Variants in NAALADL2 observed in about 807,000 individuals in gnomAD.
The protein encoded by NAALADL2 is inactive N-acetylated-alpha-linked acidic dipeptidase-like protein 2.
In NAALADL2, 76 loss-of-function variants were observed where a neutral mutation model predicts 87.2. The ratio of observed to expected loss-of-function variants is 0.87; its 90% CI spans 0.72 to 1.05. The LOEUF (loss-of-function observed/expected upper bound fraction) is 1.05, where lower values mean the gene tolerates loss of function less well. Ranked by LOEUF, NAALADL2 falls within the 50% of genes least tolerant of loss-of-function variation. NAALADL2 has a pLI of 0.00. For synonymous variants in NAALADL2, 354 were observed against 331.0 expected, an observed-to-expected ratio of 1.07 and a Z score of -0.75; for missense variants, 1,089 against 945.8, an observed-to-expected ratio of 1.15 and a Z score of -1.99.
intron 1 of NAALADL2, among the ~76,000 whole-genome samples, chr3:174,442,806 G>T (rs943466155): frequency 1.3e-4 from 20 of 152,192 alleles, no homozygotes; most frequent in Non-Finnish European, 2.6e-4. Flanking sequence ...AAAAGAGTGT[G>T]TGTTTAGTAA....
At chr3:175,171,123 A>C (rs1296999875) in intron 2 of NAALADL2, among the ~76,000 whole-genome samples, 1 of 152,002 alleles carries the variant, frequency 6.6e-6, no homozygotes, top group Non-Finnish European at 1.5e-5. Context: ...CATACCTTTA[A>C]AATTTTCAAA....
At chr3:175,285,210 G>C (rs1266866088) in intron 4 of NAALADL2, among the ~76,000 whole-genome samples, 1 of 152,054 alleles carries the variant, frequency 6.6e-6, no homozygotes, top group Non-Finnish European at 1.5e-5. Context: ...AAACTTTTTA[G>C]TTACTCACTA....
At chr3:174,514,852 A>G (rs1719822188) in intron 1 of NAALADL2, among the ~76,000 whole-genome samples, 1 of 152,078 alleles carries the variant, frequency 6.6e-6, no homozygotes, top group African/African-American at 2.4e-5. Flanking sequence ...TCCCCCAAGA[A>G]TTACTTTTAT....
chr3:174,876,501 G>C (rs573847323), intron 1 of NAALADL2, among the ~76,000 whole-genome samples: 1 of 152,214 alleles, frequency 6.6e-6, no homozygotes. Context: ...AGAATTATAC[G>C]CATAGGTAGG....
At chr3:175,479,648 T>C (rs1288955365) in intron 9 of NAALADL2, among the ~76,000 whole-genome samples, 3 of 151,814 alleles carry the variant, frequency 2.0e-5, no homozygotes, top group Non-Finnish European at 4.4e-5. Flanking sequence ...CACAACTCTA[T>C]ATACAGTGCT....
intron 3 of NAALADL2, among the ~76,000 whole-genome samples, chr3:174,810,934 C>T (rs377142222): frequency 6.6e-6 from 1 of 152,154 alleles, no homozygotes; most frequent in East Asian, 1.9e-4. Flanking sequence ...GGCCACTGCT[C>T]CCTGCATCCT....
chr3:174,984,123 A>G (rs1033554100), intron 1 of NAALADL2, among the ~76,000 whole-genome samples: 1 of 152,260 alleles, frequency 6.6e-6, no homozygotes, highest in African/African-American at 2.4e-5. Flanking sequence ...AAAAAAACAC[A>G]CACACAATAA....
At chr3:175,378,960 T>A (rs553066879) in intron 5 of NAALADL2, among the ~76,000 whole-genome samples, 73 of 152,302 alleles carry the variant, frequency 4.8e-4, no homozygotes, top group African/African-American at 1.7e-3. Context: ...TCCACATTAT[T>A]TGGCTCTTAC....
chr3:175,716,996 A>G (rs1448353636), intron 11 of NAALADL2, among the ~76,000 whole-genome samples: 3 of 152,178 alleles, frequency 2.0e-5, no homozygotes, highest in Admixed American at 6.6e-5. Flanking sequence ...CTGAGCTGTA[A>G]TTTACTAATC....
At chr3:174,946,745 A>T (rs986351414) in intron 1 of NAALADL2, among the ~76,000 whole-genome samples, 1 of 152,154 alleles carries the variant, frequency 6.6e-6, no homozygotes, top group Non-Finnish European at 1.5e-5. Flanking sequence ...GGAAAGGTAG[A>T]TGTGAAGTAG....
At chr3:174,529,588 C>T (rs1399368090) in intron 1 of NAALADL2, among the ~76,000 whole-genome samples, 1 of 152,226 alleles carries the variant, frequency 6.6e-6, no homozygotes, top group Non-Finnish European at 1.5e-5. Flanking sequence ...GAGCCCTGCC[C>T]CTGCAGCAAA....
At chr3:174,885,713 G>T (rs1353984583) in intron 1 of NAALADL2, among the ~76,000 whole-genome samples, 1 of 150,524 alleles carries the variant, frequency 6.6e-6, no homozygotes, top group Non-Finnish European at 1.5e-5. Flanking sequence ...AGCACCCCTG[G>T]TACCAAAATC....
Position 174,596,488 on chromosome 3 carries a change from G to T in NAALADL2, c.-115+45851G>T, listed in dbSNP as rs140527583. ...TTAGCTGTATCAGAACCACTTGGAG[G>T]GTTTGTTGAATCAGATTACTGAGCC... is the stretch of plus-strand genomic sequence containing the variant. On this transcript the variant is annotated intron_variant, in intron 2 of 3. Coordinates refer to the NAALADL2 transcript ENST00000434257. Among the ~76,000 whole-genome samples, 22 of 152,216 alleles carry T rather than the reference G, an allele frequency of 1.4e-4. No homozygotes were observed. In the East Asian group the frequency reaches 4.3e-3, roughly 29 times the overall value.
intron 9 of NAALADL2, among the ~76,000 whole-genome samples, chr3:175,535,513 T>G (rs1031796893): frequency 1.3e-5 from 2 of 152,190 alleles, no homozygotes; most frequent in Non-Finnish European, 2.9e-5. Flanking sequence ...GCCTAACACC[T>G]ACCATACCCA....
chr3:175,639,143 G>C lies in NAALADL2; in HGVS notation c.1896+11757G>C, dbSNP rs1306465981. On this transcript the variant is annotated intron_variant, in intron 11 of 13. Coordinates refer to ENST00000454872, the MANE Select transcript of NAALADL2 (RefSeq NM_207015.3). ...TTTCAGTGACGCCATAAAGCATCATGTTTGCCCTAATGTTGCTGGGGTTGA... is the reference window on the plus strand; with the variant it reads ...TTTCAGTGACGCCATAAAGCATCATCTTTGCCCTAATGTTGCTGGGGTTGA... Among the ~76,000 whole-genome samples, 4 of 152,140 alleles carry C rather than the reference G, an allele frequency of 2.6e-5. No homozygotes were observed. In the East Asian group the frequency reaches 5.8e-4, roughly 22 times the overall value.
chr3:175,661,262 A>G (rs1732209975), intron 11 of NAALADL2, among the ~76,000 whole-genome samples: 3 of 148,544 alleles, frequency 2.0e-5, no homozygotes, highest in Non-Finnish European at 4.5e-5. Context: ...TTGAGCTTTT[A>G]TTTTCAGATT....
chr3:174,999,308 TA>T (rs759716323), intron 1 of NAALADL2, among the ~76,000 whole-genome samples: 4 of 151,344 alleles, frequency 2.6e-5, no homozygotes, highest in African/African-American at 9.8e-5. Flanking sequence ...TAGCAGCTAA[TA>T]GGGGGAAAAT....
chr3:175,048,361 C>T (rs1279830620), intron 1 of NAALADL2, among the ~76,000 whole-genome samples: 4 of 151,986 alleles, frequency 2.6e-5, no homozygotes, highest in African/African-American at 9.7e-5. Context: ...ACTGCATTTT[C>T]AAAAAAGTTG....
chr3:175,594,287 A>T (rs1721945243), intron 10 of NAALADL2, among the ~76,000 whole-genome samples: 1 of 152,142 alleles, frequency 6.6e-6, no homozygotes, highest in African/African-American at 2.4e-5. Context: ...ATTTAGAATG[A>T]TGGTCTCCAG....
Sources: allele counts gnomAD v4.1 joint callset (sites outside exome capture counted in the v4.1 genomes callset), GRCh38; gene constraint gnomAD v4.1.1; transcripts MANE v1.5; gene names NCBI Gene and HGNC (gene_info 2026-07-23, HGNC 2026-07-21).